LGR5: variants seen among roughly 807,000 people sequenced by gnomAD.
LGR5 encodes leucine-rich repeat-containing G protein-coupled receptor 5.
A neutral mutation model predicts 76.7 loss-of-function variants in LGR5; 54 were observed. The ratio of observed to expected loss-of-function variants is 0.70; its 90% CI spans 0.57 to 0.88. The LOEUF (loss-of-function observed/expected upper bound fraction) is 0.88, where lower values mean the gene tolerates loss of function less well. Among genes scored for constraint, LGR5 ranks in the 40% least tolerant of loss-of-function variants. The pLI is 0.00. For missense variants in LGR5, 1,078 were observed against 1,073.3 expected (o/e 1.00, Z -0.06); for synonymous variants, 406 against 421.9 (o/e 0.96, Z 0.46).
chr12:71,472,477 A>T (rs1565669683), intron 1 of LGR5, among the ~76,000 whole-genome samples: 1 of 152,168 alleles, frequency 6.6e-6, no homozygotes, highest in Non-Finnish European at 1.5e-5. Flanking sequence ...AAGTATGCCC[A>T]CAGATACATA....
At chr12:71,453,067 A>G (rs949882453) in intron 1 of LGR5, among the ~76,000 whole-genome samples, 11 of 152,218 alleles carry the variant, frequency 7.2e-5, no homozygotes, top group African/African-American at 2.7e-4. Flanking sequence ...AATTTTCATT[A>G]AACAAGATTT....
intron 1 of LGR5, among the ~76,000 whole-genome samples, chr12:71,488,132 C>G (rs1466486165): frequency 6.6e-6 from 1 of 152,176 alleles, no homozygotes; most frequent in Non-Finnish European, 1.5e-5. Flanking sequence ...GTGAGCTATA[C>G]TTTGAACAGT....
chr12:71,554,132 A>G (rs1443899045), intron 5 of LGR5, among the ~76,000 whole-genome samples: 1 of 152,206 alleles, frequency 6.6e-6, no homozygotes, highest in Non-Finnish European at 1.5e-5. Context: ...TCAATGGAAG[A>G]CTAGAGTTTT....
At chr12:71,546,292 G>A (rs928293206) in intron 4 of LGR5, among the ~76,000 whole-genome samples, 1 of 142,838 alleles carries the variant, frequency 7.0e-6, no homozygotes, top group South Asian at 2.4e-4. Flanking sequence ...TCCAGCCTGG[G>A]AGACAGAGTG....
rs145019729 is a variant in LGR5, at chr12:71,584,619, C to A, written c.2609C>A (p.Thr870Asn). The change falls in exon 18 of 18, where the codon ACC (threonine) becomes AAC (asparagine). Residue 870 changes from threonine (T) to asparagine (N), a missense_variant. By Grantham distance (65) the Thr-to-Asn change is moderately conservative. Transcript: ENST00000266674. ...TGTGACTCAACTCAAGCCTTGGTAA[C>A]CTTTACCAGCTCCAGCATCACTTAT... ...QSCDSTQALVTFTSSSITYDL... is the reference protein window; with the variant it reads ...QSCDSTQALVNFTSSSITYDL... 2.6e-4 allele frequency: 418 copies of A among 1,614,202 alleles called. No homozygotes were observed. The highest frequency in any genetic ancestry group is 3.4e-4 in the Non-Finnish European group (405 of 1,180,038).
At chr12:71,559,834 AT>A (rs1877966871) in intron 7 of LGR5, among the ~76,000 whole-genome samples, 180 bp downstream of exon 7, 1 of 152,152 alleles carries the variant, frequency 6.6e-6, no homozygotes, top group Non-Finnish European at 1.5e-5. Flanking sequence ...ACCAGATAAT[AT>A]TTTTTATTTA....
chr12:71,543,137 C>A (rs1565737698), intron 4 of LGR5, among the ~76,000 whole-genome samples: 1 of 152,122 alleles, frequency 6.6e-6, no homozygotes, highest in Non-Finnish European at 1.5e-5. Context: ...CAAGATCGGG[C>A]ACATTCAAGG....
intron 1 of LGR5, among the ~76,000 whole-genome samples, chr12:71,491,699 G>A (rs1874082378): frequency 6.6e-6 from 1 of 150,796 alleles, no homozygotes; most frequent in African/African-American, 2.4e-5. Context: ...TACAGTCCAG[G>A]TGTATTGCTG....
intron 15 of LGR5, 67 bp from the exon 16 acceptor site, chr12:71,580,211 A>T: frequency 7.0e-7 from 1 of 1,428,346 alleles, no homozygotes; most frequent in South Asian, 1.4e-5. Context: ...GGGTGAAAGA[A>T]CATGAACACT....
intron 15 of LGR5, 57 bp downstream of exon 15, chr12:71,578,986 G>C: frequency 2.7e-6 from 4 of 1,472,544 alleles, no homozygotes; most frequent in Non-Finnish European, 3.7e-6. Flanking sequence ...AATAATAGAT[G>C]TATTATAGTG....
At chr12:71,566,514 C>A in intron 9 of LGR5, 39 bp downstream of exon 9, 1 of 1,550,270 alleles carries the variant, frequency 6.5e-7, no homozygotes, top group Non-Finnish European at 8.9e-7. Flanking sequence ...TTTCCCTCTA[C>A]AGGGTTGCTG....
intron 1 of LGR5, among the ~76,000 whole-genome samples, chr12:71,498,007 T>C (rs1424825878): frequency 6.6e-6 from 1 of 152,044 alleles, no homozygotes; most frequent in Non-Finnish European, 1.5e-5. Flanking sequence ...GGAAACATAC[T>C]TCAGAAGAAG....
chr12:71,458,049 C>T (rs1055579377), intron 1 of LGR5, among the ~76,000 whole-genome samples: 2 of 152,058 alleles, frequency 1.3e-5, no homozygotes, highest in African/African-American at 4.8e-5. Flanking sequence ...AGCTCCCAAA[C>T]ACATGTAGTC....
At chr12:71,516,440 T>C (rs1326549255) in intron 2 of LGR5, among the ~76,000 whole-genome samples, 1 of 152,166 alleles carries the variant, frequency 6.6e-6, no homozygotes, top group African/African-American at 2.4e-5. Flanking sequence ...TGGACCCCTG[T>C]CGGACCATGG....
chr12:71,485,573 A>G (rs1873788936), intron 1 of LGR5, among the ~76,000 whole-genome samples: 2 of 151,850 alleles, frequency 1.3e-5, no homozygotes, highest in South Asian at 4.2e-4. Flanking sequence ...AATAAAATAC[A>G]ATAAAAATTA....
intron 6 of LGR5, among the ~76,000 whole-genome samples, chr12:71,559,277 G>A (rs1877935341): frequency 2.2e-5 from 3 of 133,886 alleles, no homozygotes; most frequent in Admixed American, 1.5e-4. Context: ...GTCAACACCT[G>A]GCCAAAGAGA....
At chr12:71,517,277 A>C (rs917473421) in intron 2 of LGR5, among the ~76,000 whole-genome samples, 3 of 152,234 alleles carry the variant, frequency 2.0e-5, no homozygotes, top group Non-Finnish European at 4.4e-5. Flanking sequence ...ATCTGCCACT[A>C]GCCCAGCAAA....
intron 2 of LGR5, among the ~76,000 whole-genome samples, chr12:71,510,930 G>A (rs1451753604): frequency 1.3e-5 from 2 of 152,090 alleles, no homozygotes; most frequent in African/African-American, 4.8e-5. Flanking sequence ...TATGGCTGGA[G>A]CAGAGTAAGA....
chr12:71,464,640 C>T (rs1206944907), intron 1 of LGR5, among the ~76,000 whole-genome samples: 1 of 152,170 alleles, frequency 6.6e-6, no homozygotes, highest in East Asian at 1.9e-4. Flanking sequence ...CTAGAGTAGA[C>T]AGAAGGGAAA....
Sources: allele counts gnomAD v4.1 joint callset (sites outside exome capture counted in the v4.1 genomes callset), GRCh38; gene constraint gnomAD v4.1.1; transcripts MANE v1.5; gene names NCBI Gene and HGNC (gene_info 2026-07-23, HGNC 2026-07-21).